Variants in TBC1D1 observed in about 807,000 individuals in gnomAD.
TBC1D1 encodes the protein TBC1 (tre-2/USP6, BUB2, cdc16) domain family, member 1.
TBC1D1 carries 89 observed loss-of-function variants against 125.6 expected under a neutral mutation model. That is an observed-to-expected ratio of 0.71 (90% confidence interval 0.60 to 0.85). The LOEUF (loss-of-function observed/expected upper bound fraction) is 0.85. Among genes scored for constraint, TBC1D1 ranks in the 40% least tolerant of loss-of-function variants. TBC1D1 has a pLI of 0.00. For synonymous variants in TBC1D1, 565 were observed against 564.1 expected (o/e 1.00, Z -0.02); for missense variants, 1,377 against 1,469.2 (o/e 0.94, Z 1.03).
At position 38,124,962 on chromosome 4, in the gene TBC1D1, A is replaced by G. The variant is rs1238799704; in HGVS notation, c.2963A>G (p.Asp988Gly). Reference sequence around the variant, plus strand: ...TTTCTGCATTTCTGTGTTTTCTCAGATATGATTTTTCTTCAGGGAACAGAG... The same window carrying G: ...TTTCTGCATTTCTGTGTTTTCTCAGGTATGATTTTTCTTCAGGGAACAGAG... The change falls in exon 18 of 20, where the codon GAT becomes GGT. Residue 988 changes from aspartate to glycine, a missense_variant and splice_region_variant. By Grantham distance (94) the Asp-to-Gly change is moderately conservative (BLOSUM62 -1). Around this residue, in one of 3 missense-constraint regions of TBC1D1, gnomAD observed 543 missense variants for 613.5 expected, o/e 0.89. Coordinates refer to ENST00000261439, the MANE Select transcript of TBC1D1 (RefSeq NM_015173.4). 3 of 1,613,120 alleles carry G rather than the reference A, an allele frequency of 1.9e-6. No individual in the cohort carries two copies. Among genetic ancestry groups the G allele is most frequent in the Non-Finnish European group, 2.5e-6 (3 of 1,179,646 alleles).
intron 2 of TBC1D1, among the ~76,000 whole-genome samples, chr4:37,993,186 ATCTT>A (rs1338068993): frequency 6.6e-6 from 1 of 152,176 alleles, no homozygotes; most frequent in Non-Finnish European, 1.5e-5. Flanking sequence ...GAAAGAAACC[ATCTT>A]TCTTAGTTTT....
intron 2 of TBC1D1, among the ~76,000 whole-genome samples, chr4:38,013,599 T>C (rs563458377): frequency 3.3e-5 from 5 of 152,352 alleles, no homozygotes; most frequent in Non-Finnish European, 7.3e-5. Context: ...GTTGTGGCTG[T>C]CCATCATCTG....
At chr4:38,093,099 GC>G (rs1191591032) in intron 13 of TBC1D1, among the ~76,000 whole-genome samples, 1 of 152,116 alleles carries the variant, frequency 6.6e-6, no homozygotes, top group African/African-American at 2.4e-5. Context: ...TTGAGGACCT[GC>G]TGTACTATGT....
At chr4:37,986,469 G>A (rs896459766) in intron 2 of TBC1D1, among the ~76,000 whole-genome samples, 6 of 152,150 alleles carry the variant, frequency 3.9e-5, no homozygotes, top group East Asian at 3.9e-4. Flanking sequence ...TTTTTGAGAC[G>A]GAGTCTTGCT....
intron 1 of TBC1D1, among the ~76,000 whole-genome samples, chr4:37,898,822 G>C (rs984474992): frequency 6.6e-6 from 1 of 152,180 alleles, no homozygotes; most frequent in African/African-American, 2.4e-5. Flanking sequence ...TTGTGGCAGG[G>C]ATTATATTCT....
intron 2 of TBC1D1, among the ~76,000 whole-genome samples, chr4:37,908,448 C>T (rs1019756253): frequency 3.3e-5 from 5 of 152,110 alleles, no homozygotes; most frequent in East Asian, 1.9e-4. Flanking sequence ...TCAAGTGATC[C>T]GCCCGCTTCC....
chr4:37,981,425 T>C (rs1734314882), intron 2 of TBC1D1, among the ~76,000 whole-genome samples: 1 of 152,228 alleles, frequency 6.6e-6, no homozygotes, highest in South Asian at 2.1e-4. Context: ...TAATAGGTAC[T>C]ATTTGAGGAG....
rs1168853147 is a variant in TBC1D1, at chr4:38,060,781, C to G, written c.2050+6443C>G. 9.4e-6 allele frequency: 5 copies of G among 530,462 alleles called. No individual in the cohort carries two copies. The Admixed American group carries it at 1.6e-4, about 17-fold the overall frequency. The allele number at this position is 530,462 out of a possible 1,614,324, so 32.9% of individuals were successfully genotyped here. A position where few individuals can be genotyped will look rare whatever the true frequency, so the allele number is the denominator to read the frequency against. The stretch of plus-strand genomic sequence containing the variant: ...ACAAACTTGATGTGCTTGGAGTCTT[C>G]TGGAAATCTTGTTAAAAGGCAGACT... On this transcript the variant is annotated intron_variant, in intron 12 of 19. Transcript: ENST00000261439.
intron 17 of TBC1D1, among the ~76,000 whole-genome samples, chr4:38,122,834 AAAAT>A (rs1389541526): frequency 4.6e-5 from 7 of 152,354 alleles, no homozygotes; most frequent in African/African-American, 1.7e-4. Context: ...CAGATATAAT[AAAAT>A]AAATCATATG....
intron 12 of TBC1D1, among the ~76,000 whole-genome samples, chr4:38,063,190 A>T (rs1050303477): frequency 2.6e-5 from 4 of 152,238 alleles, no homozygotes; most frequent in Middle Eastern, 3.2e-3. Context: ...ATTTGTGGAC[A>T]TACATGAACA....
rs1025802297 is a variant in TBC1D1 at position 38,110,864 on chromosome 4, C to G, written c.2558-4846C>G. ...AGCTTTCCCTGAGCTGGTGTCTTCC[C>G]GAGCTAGCATGCTTCTCCTATGGGG... On this transcript the variant is annotated intron_variant, in intron 15 of 19. Coordinates refer to ENST00000261439, the MANE Select transcript of TBC1D1 (RefSeq NM_015173.4). 3.1e-6 allele frequency: 3 copies of G among 967,680 alleles called. No individual in the cohort carries two copies. The African/African-American group carries it at 5.3e-5, about 17-fold the overall frequency. 59.9% of individuals were successfully genotyped at this position (967,680 alleles called of 1,614,324 possible).
At chr4:38,023,806 G>A (rs1303084787) in intron 6 of TBC1D1, among the ~76,000 whole-genome samples, 2 of 152,146 alleles carry the variant, frequency 1.3e-5, no homozygotes, top group East Asian at 3.8e-4. Flanking sequence ...TGAAGTTCCT[G>A]CTTTCAATTC....
At chr4:38,047,943 C>T (rs58206779) in intron 10 of TBC1D1, among the ~76,000 whole-genome samples, 24,445 of 152,050 alleles carry the variant, frequency 0.16, 2,138 homozygotes, top group Non-Finnish European at 0.18. Flanking sequence ...TTTTATTTTT[C>T]TCCAAAAGGC....
In TBC1D1 at chr4:38,014,133, G is replaced by C. The variant is rs1325182641; in HGVS notation, c.418-376G>C. The stretch of plus-strand genomic sequence containing the variant: ...CTGGGAGGCGACAGCTTCTCCAGAG[G>C]AGGCCTTTAGCTTTGGAGTGGGACC... On this transcript the variant is annotated intron_variant, in intron 2 of 19. Coordinates refer to ENST00000261439, the MANE Select transcript of TBC1D1 (RefSeq NM_015173.4). This position sits in a 1 kb window ranked among gnomAD's most constrained non-coding sequence, Gnocchi z 5.1. Among the ~76,000 whole-genome samples the C allele has an allele frequency of 2.6e-5, 4 of 152,218 alleles. No homozygotes were observed. The highest frequency in any genetic ancestry group is 6.5e-5 in the Admixed American group (1 of 15,288).
intron 12 of TBC1D1, among the ~76,000 whole-genome samples, chr4:38,059,426 A>C (rs888707954): frequency 1.3e-5 from 2 of 152,234 alleles, no homozygotes; most frequent in African/African-American, 4.8e-5. Flanking sequence ...AGACTTGGCA[A>C]GGCAAATGTT....
chr4:38,028,159 T>G (rs936410937), intron 7 of TBC1D1, among the ~76,000 whole-genome samples: 2 of 151,670 alleles, frequency 1.3e-5, no homozygotes, highest in African/African-American at 4.9e-5. Context: ...AAAAATCTCA[T>G]AATGGTTTTT....
chr4:38,053,062 T>A, intron 11 of TBC1D1, 44 bp from the exon 13 acceptor site: 1 of 1,307,820 alleles, frequency 7.6e-7, no homozygotes, highest in Non-Finnish European at 9.9e-7. Flanking sequence ...CTTTGTGTTT[T>A]TATGTTTCTT....
At chr4:37,954,296 C>T (rs1187466850) in intron 2 of TBC1D1, among the ~76,000 whole-genome samples, 4 of 151,902 alleles carry the variant, frequency 2.6e-5, no homozygotes, top group Non-Finnish European at 4.4e-5. Context: ...TCTCTTTTAA[C>T]CTTTCCTATG....
chr4:37,970,721 A>G (rs987691680), intron 2 of TBC1D1, among the ~76,000 whole-genome samples: 1 of 152,248 alleles, frequency 6.6e-6, no homozygotes, highest in African/African-American at 2.4e-5. Context: ...TATTTCCTGC[A>G]AGGACTTCTG....
Sources: gnomAD v4.1 joint callset for allele counts (sites outside exome capture counted in the v4.1 genomes callset) on GRCh38, gnomAD v4.1.1 for gene constraint, gnomAD v4.1.1 regional missense constraint, Gnocchi (gnomAD v3.1) non-coding constraint, MANE v1.5 for transcripts, NCBI Gene and HGNC (gene_info 2026-07-23, HGNC 2026-07-21) for gene names.